The following YWHAG variants were observed in gnomAD, a reference collection of about 807,000 sequenced individuals.
YWHAG encodes the protein tyrosine 3-monooxygenase/tryptophan 5-monooxygenase activation protein gamma, also known as 14-3-3 protein gamma.
In YWHAG, 1 loss-of-function variant was observed where a neutral mutation model predicts 23.3. That is an observed-to-expected ratio of 0.04 (90% confidence interval 0.02 to 0.20). YWHAG has a LOEUF of 0.20. Among genes scored for constraint, YWHAG ranks in the 10% least tolerant of loss-of-function variants. The pLI, the probability that YWHAG is intolerant of heterozygous loss-of-function variation, is 1.00. For missense variants in YWHAG, 151 were observed against 338.6 expected (o/e 0.45, Z 4.35); for synonymous variants, 160 against 144.0 (o/e 1.11, Z -0.80).
At chr7:76,337,937 T>C (rs962463812) in intron 1 of YWHAG, among the ~76,000 whole-genome samples, 5 of 152,186 alleles carry the variant, frequency 3.3e-5, no homozygotes, top group Non-Finnish European at 7.3e-5. Context: ...GGAGGCAGTC[T>C]TGGGGACTCT....
Position 76,330,009 on chromosome 7 carries a change from C to T in YWHAG, c.312G>A (p.Leu104=), listed in dbSNP as rs1248203976. 1 of 1,614,164 alleles carries T rather than the reference C, an allele frequency of 6.2e-7. No individual in the cohort carries two copies. Among genetic ancestry groups the T allele is most frequent in the Non-Finnish European group, 8.5e-7 (1 of 1,180,022 alleles). Residue 104 remains leucine (L), a synonymous_variant, in exon 2 of 2, where the codon CTG becomes CTA. Coordinates refer to ENST00000307630, the MANE Select transcript of YWHAG (RefSeq NM_012479.4). ...TGCAATTCTTGATCAGGTAGTTATC[C>T]AGCAGGCTCAGCACATCCTGGCACA... ...EAVCQDVLSL[L]DNYLIKNCSE...
intron 1 of YWHAG, among the ~76,000 whole-genome samples, chr7:76,331,889 A>G (rs1803547827): frequency 6.6e-6 from 1 of 152,124 alleles, no homozygotes; most frequent in East Asian, 1.9e-4. Flanking sequence ...TATGCTTGGC[A>G]AAAGTGATTA....
At chr7:76,357,652 CA>C (rs1026069731) in intron 1 of YWHAG, among the ~76,000 whole-genome samples, 2 of 151,460 alleles carry the variant, frequency 1.3e-5, no homozygotes, top group Non-Finnish European at 2.9e-5. Flanking sequence ...CTCGCTTAAA[CA>C]AAAAAAAGCC....
At chr7:76,335,258 A>G (rs934740703) in intron 1 of YWHAG, among the ~76,000 whole-genome samples, 6 of 152,032 alleles carry the variant, frequency 3.9e-5, no homozygotes, top group Non-Finnish European at 8.8e-5. Context: ...GGGTTTCATC[A>G]TGTTGGCCAG....
chr7:76,352,336 T>C (rs1462557703), intron 1 of YWHAG, among the ~76,000 whole-genome samples: 2 of 152,190 alleles, frequency 1.3e-5, no homozygotes, highest in African/African-American at 4.8e-5. Flanking sequence ...CTCACTTCCC[T>C]GCCCACGGCA....
chr7:76,343,438 T>C (rs1803729167), intron 1 of YWHAG, among the ~76,000 whole-genome samples: 2 of 152,186 alleles, frequency 1.3e-5, no homozygotes, highest in South Asian at 4.1e-4. Context: ...ACTCCACCCC[T>C]AGAATCTGGG....
chr7:76,336,518 C>T (rs1028875918), intron 1 of YWHAG, among the ~76,000 whole-genome samples: 1 of 147,660 alleles, frequency 6.8e-6, no homozygotes, highest in Non-Finnish European at 1.5e-5. Flanking sequence ...TGTGATGGCA[C>T]GATCTAGGCT....
intron 1 of YWHAG, among the ~76,000 whole-genome samples, chr7:76,354,236 C>T (rs762179277): frequency 7.9e-5 from 12 of 151,748 alleles, no homozygotes; most frequent in African/African-American, 9.7e-5. Context: ...TGAGGCTGGG[C>T]ACGGTGGCTC....
In YWHAG at chr7:76,329,502, C is replaced by A; in HGVS notation, c.*75G>T. 7.8e-7 allele frequency: 1 copy of A among 1,283,626 alleles called. No homozygotes were observed. The highest frequency in any genetic ancestry group is 1.0e-6 in the Non-Finnish European group (1 of 959,178). The allele number at this position is 1,283,626 out of a possible 1,614,324, so 79.5% of individuals were successfully genotyped here. A position where few individuals can be genotyped will look rare whatever the true frequency, so the allele number is the denominator to read the frequency against. On this transcript the variant is annotated 3_prime_UTR_variant, in exon 2 of 2. Transcript: ENST00000307630. The surrounding 1 kb of genome is among the most constrained non-coding windows in gnomAD (Gnocchi z 6.1). The stretch of plus-strand genomic sequence containing the variant: ...CATCCCTCCCTTTCCCTCCCCCACC[C>A]GACCCCCAACTCATGGGAAAAAAAT...
At chr7:76,355,441 T>C (rs959763358) in intron 1 of YWHAG, among the ~76,000 whole-genome samples, 7 of 152,302 alleles carry the variant, frequency 4.6e-5, no homozygotes, top group African/African-American at 1.7e-4. Flanking sequence ...GCACTTAATA[T>C]CTGCTTCAGT....
At position 76,328,797 on chromosome 7, in the gene YWHAG, A is replaced by C. The variant is rs1192205020; in HGVS notation, c.*780T>G. On this transcript the variant is annotated 3_prime_UTR_variant, in exon 2 of 2. Coordinates refer to ENST00000307630, the MANE Select transcript of YWHAG (RefSeq NM_012479.4). Reference sequence around the variant, plus strand: ...GGATTTACGTTAAGAGGAAAGAAGGACCAAAAAAAAAAAATCCCACAGCCA... The same window carrying C: ...GGATTTACGTTAAGAGGAAAGAAGGCCCAAAAAAAAAAAATCCCACAGCCA... 1 of 141,262 alleles carries C rather than the reference A, an allele frequency of 7.1e-6. No homozygotes were observed. The highest frequency in any genetic ancestry group is 1.5e-5 in the Non-Finnish European group (1 of 65,514). The allele number at this position is 141,262 out of a possible 1,614,324, so 8.8% of individuals were successfully genotyped here.
intron 1 of YWHAG, among the ~76,000 whole-genome samples, chr7:76,356,235 G>A (rs17149177): frequency 0.17 from 26,598 of 152,120 alleles, 2,840 homozygotes; most frequent in East Asian, 0.33. Flanking sequence ...TTAGGTAGTT[G>A]CCATTTTGGA....
chr7:76,358,429 C>T (rs1205396723), intron 1 of YWHAG, among the ~76,000 whole-genome samples: 2 of 152,224 alleles, frequency 1.3e-5, no homozygotes, highest in South Asian at 2.1e-4. Flanking sequence ...ACCCCTAGAG[C>T]CGCGGGGGCC....
In YWHAG at chr7:76,333,354, T is replaced by G. The variant is rs990924710; in HGVS notation, c.88-3121A>C. 6.6e-5 allele frequency among the ~76,000 whole-genome samples: 10 copies of G among 152,208 alleles called. 1 individual carries two copies. Among genetic ancestry groups the G allele is most frequent in the African/African-American group, 2.4e-4 (10 of 41,448 alleles). Reference sequence around the variant, plus strand: ...CTTAGTTCAAGTGATCCTCCCACCTTGGCCGCTCAGAGTGCTGGGATTACA... The same window carrying G: ...CTTAGTTCAAGTGATCCTCCCACCTGGGCCGCTCAGAGTGCTGGGATTACA... On this transcript the variant is annotated intron_variant, in intron 1 of 1. Transcript: ENST00000307630.
chr7:76,329,509 C>CCCAAAA lies in YWHAG; in HGVS notation c.*67_*68insTTTTGG. On this transcript the variant is annotated 3_prime_UTR_variant, in exon 2 of 2. Coordinates refer to ENST00000307630, the MANE Select transcript of YWHAG (RefSeq NM_012479.4). This position sits in a 1 kb window ranked among gnomAD's most constrained non-coding sequence, Gnocchi z 6.1. ...CCCTTTCCCTCCCCCACCCGACCCCCAACTCATGGGAAAAAAATAAAGACT... is the reference window on the plus strand; with the variant it reads ...CCCTTTCCCTCCCCCACCCGACCCCCCCAAAAAACTCATGGGAAAAAAATAAAGACT... 7.0e-7 allele frequency: 1 copy of CCCAAAA among 1,421,576 alleles called. No individual in the cohort carries two copies. The highest frequency in any genetic ancestry group is 9.4e-7 in the Non-Finnish European group (1 of 1,069,516). 88.1% of individuals were successfully genotyped at this position (1,421,576 alleles called of 1,614,324 possible). A position where few individuals can be genotyped will look rare whatever the true frequency, so the allele number is the denominator to read the frequency against.
At chr7:76,343,664 A>C (rs540277811) in intron 1 of YWHAG, among the ~76,000 whole-genome samples, 16 of 152,326 alleles carry the variant, frequency 1.1e-4, no homozygotes, top group African/African-American at 2.6e-4. Flanking sequence ...GAGATGGGTT[A>C]TCTCTCTACC....
At chr7:76,339,327 G>A (rs527316026) in intron 1 of YWHAG, among the ~76,000 whole-genome samples, 2 of 152,042 alleles carry the variant, frequency 1.3e-5, no homozygotes, top group Non-Finnish European at 2.9e-5. Flanking sequence ...AAAATTAGCT[G>A]GGCATGGTGA....
intron 1 of YWHAG, among the ~76,000 whole-genome samples, chr7:76,331,306 A>AGGAGAGGAGG (rs796983851): frequency 0.012 from 1,769 of 151,976 alleles, 32 homozygotes; most frequent in African/African-American, 0.034. Context: ...AGGAGAGGAG[A>AGGAGAGGAGG]GAAGAAAAGT....
At chr7:76,338,528 A>G (rs185863397) in intron 1 of YWHAG, among the ~76,000 whole-genome samples, 21 of 152,326 alleles carry the variant, frequency 1.4e-4, no homozygotes, top group Admixed American at 6.5e-4. Flanking sequence ...CACAGAGCAG[A>G]AAAAACTCCA....
Sources: allele counts gnomAD v4.1 joint callset (sites outside exome capture counted in the v4.1 genomes callset), GRCh38; gene constraint gnomAD v4.1.1; non-coding constraint Gnocchi (gnomAD v3.1); transcripts MANE v1.5; gene names NCBI Gene and HGNC (gene_info 2026-07-23, HGNC 2026-07-21).